The following DDX60 variants were observed in gnomAD, a reference collection of about 807,000 sequenced individuals.
DDX60 encodes the protein probable ATP-dependent RNA helicase DDX60.
Under a neutral mutation model 212.8 loss-of-function variants are expected in DDX60, and 165 were observed. The observed-to-expected ratio is 0.78, with a 90% CI of 0.68 to 0.88. The LOEUF (loss-of-function observed/expected upper bound fraction) is 0.88, where lower values mean the gene tolerates loss of function less well. Among genes scored for constraint, DDX60 ranks in the 40% least tolerant of loss-of-function variants. The pLI is 0.00. For synonymous variants in DDX60, 703 were observed against 685.3 expected (o/e 1.03, Z -0.40); for missense variants, 1,905 against 2,003.9 (o/e 0.95, Z 0.94).
intron 5 of DDX60, among the ~76,000 whole-genome samples, chr4:168,304,820 G>T (rs503950): frequency 0.42 from 63,798 of 152,016 alleles, 14,234 homozygotes; most frequent in African/African-American, 0.58. Flanking sequence ...CTAATGTTAA[G>T]GTATTAAATA....
In DDX60 at chr4:168,306,420, G is replaced by A. The variant is rs199626742; in HGVS notation, c.565C>T (p.Leu189Phe). The part of the protein sequence containing the change: ...ESDVLCLYAY[L>F]LPSMYRHQIF... ...TGGTGTCTGTACATGCTTGGAAGAA[G>A]GTATGCATAAAGGCAAAGAACATCA... is the stretch of plus-strand genomic sequence containing the variant. The change falls in exon 5 of 38, where the codon CTT becomes TTT. Residue 189 changes from leucine to phenylalanine, a missense_variant. Coordinates refer to ENST00000393743, the MANE Select transcript of DDX60 (RefSeq NM_017631.6). 1 of 1,613,910 alleles carries A rather than the reference G, an allele frequency of 6.2e-7. No homozygotes were observed. The highest frequency in any genetic ancestry group is 2.2e-5 in the East Asian group (1 of 44,858).
At chr4:168,250,273 G>A (rs1297928720) in intron 28 of DDX60, among the ~76,000 whole-genome samples, 2 of 151,974 alleles carry the variant, frequency 1.3e-5, no homozygotes, top group Non-Finnish European at 1.5e-5. Context: ...CTTGTGCAGT[G>A]GCTAACACCT....
Position 168,219,784 on chromosome 4 carries a change from C to T in DDX60, c.5039+871G>A, listed in dbSNP as rs544558972. ...AGGAGCGGCAGCTAATGCCTGTAACCGCAGCACTTTGGGAGGGCAAGGCAG... is the reference window on the plus strand; with the variant it reads ...AGGAGCGGCAGCTAATGCCTGTAACTGCAGCACTTTGGGAGGGCAAGGCAG... On this transcript the variant is annotated intron_variant, in intron 37 of 37. Transcript: ENST00000393743. Among the ~76,000 whole-genome samples the T allele has an allele frequency of 2.1e-3, 319 of 152,192 alleles. 1 individual carries two copies. In the Middle Eastern group the frequency reaches 0.031, roughly 15 times the overall value.
chr4:168,233,938 G>A (rs965289897), intron 33 of DDX60, among the ~76,000 whole-genome samples: 4 of 152,042 alleles, frequency 2.6e-5, no homozygotes, highest in African/African-American at 9.7e-5. Flanking sequence ...GCAATAGCAT[G>A]TCTAATATGA....
intron 7 of DDX60, among the ~76,000 whole-genome samples, chr4:168,292,727 C>T (rs938234864): frequency 1.4e-4 from 21 of 152,106 alleles, no homozygotes; most frequent in Non-Finnish European, 2.9e-4. Flanking sequence ...GGGACAAGAA[C>T]GTCATAGCTA....
chr4:168,324,083 G>A, the DDX60 span, among the ~76,000 whole-genome samples: 2 of 152,212 alleles, frequency 1.3e-5, no homozygotes, highest in Non-Finnish European at 2.9e-5. Flanking sequence ...GGACAGGGGA[G>A]ACCACCTCTT....
chr4:168,257,107 C>T (rs1734443405), intron 25 of DDX60, among the ~76,000 whole-genome samples: 1 of 152,124 alleles, frequency 6.6e-6, no homozygotes, highest in African/African-American at 2.4e-5. Context: ...GGCAGATCAC[C>T]TGAAGTCAGG....
At chr4:168,228,522 T>C (rs1217120939) in intron 33 of DDX60, among the ~76,000 whole-genome samples, 3 of 152,066 alleles carry the variant, frequency 2.0e-5, no homozygotes, top group Middle Eastern at 3.2e-3. Context: ...ACTATTTTAC[T>C]AGTCTTTTAG....
rs1345306186 is a variant in DDX60, at chr4:168,287,042, T to C, written c.1339+6A>G. On this transcript the variant is annotated splice_donor_region_variant and intron_variant, in intron 10 of 37. Coordinates refer to ENST00000393743, the MANE Select transcript of DDX60 (RefSeq NM_017631.6). ...TTCATTTCAGATTAATTTAGAAATTTATTACCTTTGATTGGTGATGGTTTC... is the reference window on the plus strand; with the variant it reads ...TTCATTTCAGATTAATTTAGAAATTCATTACCTTTGATTGGTGATGGTTTC... The C allele has an allele frequency of 1.3e-6, 2 of 1,592,400 alleles. No individual in the cohort carries two copies. Among genetic ancestry groups the C allele is most frequent in the Admixed American group, 1.8e-5 (1 of 54,628 alleles).
intron 25 of DDX60, 139 bp downstream of exon 25, chr4:168,260,726 T>G: frequency 1.3e-6 from 1 of 780,750 alleles, no homozygotes; most frequent in Non-Finnish European, 2.1e-6. Flanking sequence ...ACCACTCACC[T>G]CCTGCTCTGT....
intron 6 of DDX60, among the ~76,000 whole-genome samples, chr4:168,295,268 C>A (rs541231711): frequency 6.6e-6 from 1 of 152,322 alleles, no homozygotes; most frequent in African/African-American, 2.4e-5. Flanking sequence ...ATGGTTAAAG[C>A]AAACTAAATA....
At chr4:168,290,610 C>T (rs1164486781) in intron 8 of DDX60, among the ~76,000 whole-genome samples, 1 of 152,092 alleles carries the variant, frequency 6.6e-6, no homozygotes, top group Non-Finnish European at 1.5e-5. Context: ...CCTGCCTTGG[C>T]CTCCGAAAGT....
At chr4:168,269,743 C>T (rs1051912864) in intron 19 of DDX60, among the ~76,000 whole-genome samples, 1 of 152,158 alleles carries the variant, frequency 6.6e-6, no homozygotes, top group Non-Finnish European at 1.5e-5. Flanking sequence ...CCGCTGCTGC[C>T]TCTCTGGCTT....
intron 33 of DDX60, 53 bp from the exon 34 acceptor site, chr4:168,225,729 C>T: frequency 6.5e-7 from 1 of 1,539,282 alleles, no homozygotes; most frequent in South Asian, 1.2e-5. Flanking sequence ...TCCTTCAAAA[C>T]TGAATCGTTG....
At chr4:168,321,647 T>G (rs867610090), upstream of DDX60, among the ~76,000 whole-genome samples, 2 of 152,164 alleles carry the variant, frequency 1.3e-5, no homozygotes, top group Non-Finnish European at 2.9e-5. Context: ...AACTCCATAT[T>G]CCAGTCTCAC....
At chr4:168,238,424 GAA>G (rs1243248246) in intron 30 of DDX60, among the ~76,000 whole-genome samples, 1,046 of 2,984 alleles carry the variant, frequency 0.35, 15 homozygotes, top group Non-Finnish European at 0.42. Context: ...AGAGGGGAGG[GAA>G]GGGAAGGGAA....
At chr4:168,243,990 A>T (rs1051776566) in intron 30 of DDX60, among the ~76,000 whole-genome samples, 4 of 152,176 alleles carry the variant, frequency 2.6e-5, no homozygotes, top group African/African-American at 9.7e-5. Flanking sequence ...CATCCTCAGA[A>T]AACAAATGCA....
chr4:168,229,449 C>T (rs1015938452), intron 33 of DDX60, among the ~76,000 whole-genome samples: 1 of 152,146 alleles, frequency 6.6e-6, no homozygotes, highest in Non-Finnish European at 1.5e-5. Flanking sequence ...GAGAAGGAAA[C>T]TTCCAGCTGA....
intron 13 of DDX60, 108 bp downstream of exon 13, chr4:168,283,338 A>T: frequency 1.1e-6 from 1 of 912,596 alleles, no homozygotes; most frequent in Non-Finnish European, 1.7e-6. Flanking sequence ...GCATATAAAT[A>T]TCAAGAAAAG....
Sources: allele counts gnomAD v4.1 joint callset (sites outside exome capture counted in the v4.1 genomes callset), GRCh38; gene constraint gnomAD v4.1.1; transcripts MANE v1.5; gene names NCBI Gene and HGNC (gene_info 2026-07-23, HGNC 2026-07-21).